Variants in KIAA1958 observed in about 807,000 individuals in gnomAD.
The protein encoded by KIAA1958 is uncharacterized protein KIAA1958.
KIAA1958 carries 14 observed loss-of-function variants against 47.2 expected under a neutral mutation model. The ratio of observed to expected loss-of-function variants is 0.30; its 90% CI spans 0.20 to 0.46. The LOEUF (loss-of-function observed/expected upper bound fraction) is 0.46, where lower values mean the gene tolerates loss of function less well. Among genes scored for constraint, KIAA1958 ranks in the 20% least tolerant of loss-of-function variants. The probability of loss-of-function intolerance (pLI) is 1.00; values close to 1 mark genes in which losing one functional copy is unlikely to be tolerated. For missense variants in KIAA1958, 803 were observed against 909.2 expected (o/e 0.88, Z 1.50); for synonymous variants, 354 against 353.3 (o/e 1.00, Z -0.02).
intron 1 of KIAA1958, among the ~76,000 whole-genome samples, chr9:112,535,193 C>T (rs572166354): frequency 6.6e-6 from 1 of 152,232 alleles, no homozygotes; most frequent in South Asian, 2.1e-4. Flanking sequence ...TGAACTTATT[C>T]CTCCTGTCTG....
intron 2 of KIAA1958, among the ~76,000 whole-genome samples, chr9:112,622,782 A>G (rs1836532066): frequency 1.3e-5 from 2 of 152,204 alleles, no homozygotes; most frequent in African/African-American, 4.8e-5. Context: ...TGACTAAATC[A>G]TATGGCTTAG....
chr9:112,508,477 C>T (rs999301722), intron 1 of KIAA1958, among the ~76,000 whole-genome samples: 3 of 152,220 alleles, frequency 2.0e-5, no homozygotes, highest in African/African-American at 7.2e-5. Flanking sequence ...AAAGCAGCTA[C>T]ATACGATGAT....
chr9:112,576,453 A>T (rs1030235007), intron 2 of KIAA1958, among the ~76,000 whole-genome samples: 3 of 152,126 alleles, frequency 2.0e-5, no homozygotes, highest in African/African-American at 7.2e-5. Flanking sequence ...GCTATTATCT[A>T]ATTTCAGAAT....
At chr9:112,624,195 C>CT (rs1053490721) in intron 2 of KIAA1958, among the ~76,000 whole-genome samples, 64 of 152,222 alleles carry the variant, frequency 4.2e-4, no homozygotes, top group African/African-American at 1.5e-3. Context: ...AGCAAGTTCT[C>CT]TATCAGCTTA....
chr9:112,666,513 A>G lies in KIAA1958; in HGVS notation c.*6444A>G, dbSNP rs1428650170. On this transcript the variant is annotated 3_prime_UTR_variant, in exon 4 of 4. Coordinates refer to ENST00000337530, the MANE Select transcript of KIAA1958 (RefSeq NM_133465.4). ...AGAAGATTTAGATTTTTTTAAATTA[A>G]TAGAGCTGCATCTGGCAAAATGACA... 1 of 152,212 alleles carries G rather than the reference A, an allele frequency of 6.6e-6. No individual in the cohort carries two copies. Among genetic ancestry groups the G allele is most frequent in the Admixed American group, 6.5e-5 (1 of 15,278 alleles). 9.4% of individuals were successfully genotyped at this position (152,212 alleles called of 1,614,324 possible). A position where few individuals can be genotyped will look rare whatever the true frequency, so the allele number is the denominator to read the frequency against.
chr9:112,512,171 T>G (rs1163465455), intron 1 of KIAA1958, among the ~76,000 whole-genome samples: 2 of 152,214 alleles, frequency 1.3e-5, no homozygotes, highest in Non-Finnish European at 2.9e-5. Flanking sequence ...CTTCTGATTC[T>G]ATAGTATAGG....
intron 1 of KIAA1958, among the ~76,000 whole-genome samples, chr9:112,562,703 A>G (rs754213603): frequency 5.3e-5 from 8 of 152,170 alleles, no homozygotes; most frequent in Non-Finnish European, 1.2e-4. Context: ...TTCTGTATTC[A>G]TTCTTCTGTA....
At chr9:112,603,619 C>T (rs1836174220) in intron 2 of KIAA1958, among the ~76,000 whole-genome samples, 1 of 152,204 alleles carries the variant, frequency 6.6e-6, no homozygotes, top group Non-Finnish European at 1.5e-5. Context: ...GAGCCCACAC[C>T]ATAAACTCAA....
intron 1 of KIAA1958, among the ~76,000 whole-genome samples, chr9:112,570,939 G>A (rs892983080): frequency 5.9e-5 from 9 of 152,188 alleles, no homozygotes; most frequent in Non-Finnish European, 8.8e-5. Flanking sequence ...AACTGCTGGC[G>A]TAAGTCCCAG....
At chr9:112,548,025 T>G (rs75034593) in intron 1 of KIAA1958, among the ~76,000 whole-genome samples, 3 of 47,748 alleles carry the variant, frequency 6.3e-5, no homozygotes, top group Admixed American at 2.1e-4. Context: ...TTTTTTTTTT[T>G]GGAGACAAGG....
At chr9:112,615,574 G>A (rs1836395901) in intron 2 of KIAA1958, among the ~76,000 whole-genome samples, 1 of 152,018 alleles carries the variant, frequency 6.6e-6, no homozygotes, top group Non-Finnish European at 1.5e-5. Flanking sequence ...GAGCTTTTTG[G>A]TAGTTCTGCA....
chr9:112,525,401 A>G (rs1002017072), intron 1 of KIAA1958, among the ~76,000 whole-genome samples: 3 of 152,264 alleles, frequency 2.0e-5, no homozygotes, highest in African/African-American at 7.2e-5. Context: ...CCTGGAATCT[A>G]TAGCACTTGA....
chr9:112,566,147 C>T (rs2131164564), intron 1 of KIAA1958, among the ~76,000 whole-genome samples: 1 of 152,234 alleles, frequency 6.6e-6, no homozygotes, highest in East Asian at 1.9e-4. Context: ...TCGTGATCTG[C>T]CCGTCTTGGC....
intron 2 of KIAA1958, among the ~76,000 whole-genome samples, chr9:112,633,576 C>T (rs1000536604): frequency 1.3e-5 from 2 of 152,064 alleles, no homozygotes; most frequent in Non-Finnish European, 2.9e-5. Flanking sequence ...CTGTAACCAC[C>T]ACCTGGAGGG....
At chr9:112,565,328 C>T (rs1835408780) in intron 1 of KIAA1958, among the ~76,000 whole-genome samples, 1 of 152,080 alleles carries the variant, frequency 6.6e-6, no homozygotes, top group Non-Finnish European at 1.5e-5. Context: ...GGTCTCAAAC[C>T]CCTGGGCTCA....
At chr9:112,595,994 A>G (rs1836021758) in intron 2 of KIAA1958, among the ~76,000 whole-genome samples, 2 of 152,102 alleles carry the variant, frequency 1.3e-5, no homozygotes, top group African/African-American at 4.8e-5. Context: ...CATGTTGGTC[A>G]GGCTGGTCTC....
Position 112,667,577 on chromosome 9 carries a change from A to G in KIAA1958, c.*7508A>G, listed in dbSNP as rs1271511670. 1 of 152,216 alleles carries G rather than the reference A, an allele frequency of 6.6e-6. No individual in the cohort carries two copies. Among genetic ancestry groups the G allele is most frequent in the East Asian group, 1.9e-4 (1 of 5,202 alleles). The allele number at this position is 152,216 out of a possible 1,614,324, so 9.4% of individuals were successfully genotyped here. ...GGCAACAGAGTGAGACTCCATCTCA[A>G]AAAAACAGAAAAAAAAGTAACAAAT... is the stretch of plus-strand genomic sequence containing the variant. On this transcript the variant is annotated 3_prime_UTR_variant, in exon 4 of 4. Transcript: ENST00000337530.
intron 2 of KIAA1958, among the ~76,000 whole-genome samples, chr9:112,628,936 C>T (rs1285386128): frequency 1.3e-5 from 2 of 152,072 alleles, no homozygotes; most frequent in African/African-American, 2.4e-5. Flanking sequence ...ACTCTAACCC[C>T]GTAGGCCTGA....
intron 1 of KIAA1958, among the ~76,000 whole-genome samples, chr9:112,513,347 C>A (rs1403609514): frequency 6.8e-6 from 1 of 146,786 alleles, no homozygotes; most frequent in Non-Finnish European, 1.5e-5. Flanking sequence ...CAAGAGTAGG[C>A]CAGATTGGGA....
Sources: allele counts gnomAD v4.1 joint callset (sites outside exome capture counted in the v4.1 genomes callset), GRCh38; gene constraint gnomAD v4.1.1; transcripts MANE v1.5; gene names NCBI Gene and HGNC (gene_info 2026-07-23, HGNC 2026-07-21).